The following MACROD2 variants were observed in gnomAD, a reference collection of about 807,000 sequenced individuals.
MACROD2 encodes the protein mono-ADP ribosylhydrolase 2, also known as ADP-ribose glycohydrolase MACROD2.
MACROD2 carries 36 observed loss-of-function variants against 70.4 expected under a neutral mutation model. The observed-to-expected ratio is 0.51, with a 90% confidence interval of 0.39 to 0.68. MACROD2 has a LOEUF of 0.68. Ranked by LOEUF, MACROD2 falls within the 30% of genes least tolerant of loss-of-function variation. The pLI, the probability that MACROD2 is intolerant of heterozygous loss-of-function variation, is 0.00. For synonymous variants in MACROD2, 172 were observed against 178.8 expected, an observed-to-expected ratio of 0.96 and a Z score of 0.30; for missense variants, 496 against 538.4, an observed-to-expected ratio of 0.92 and a Z score of 0.78.
intron 5 of MACROD2, among the ~76,000 whole-genome samples, chr20:15,138,468 A>G (rs6110529): frequency 0.59 from 89,749 of 151,994 alleles, 26,629 homozygotes; most frequent in East Asian, 0.61. Context: ...TTCAAAGAGT[A>G]GAAGCTATAG....
intron 6 of MACROD2, among the ~76,000 whole-genome samples, chr20:15,234,068 G>A (rs2076990898): frequency 1.2e-5 from 1 of 86,302 alleles, no homozygotes; most frequent in Non-Finnish European, 2.3e-5. Flanking sequence ...GTCTCGCTCT[G>A]TGGCCCAGGT....
intron 5 of MACROD2, among the ~76,000 whole-genome samples, chr20:15,057,453 G>A (rs1000133010): frequency 6.6e-6 from 1 of 152,180 alleles, no homozygotes; most frequent in Non-Finnish European, 1.5e-5. Context: ...TATGTGGCTT[G>A]TTCTGGGCAA....
At chr20:15,504,913 T>C (rs1375412714) in intron 8 of MACROD2, among the ~76,000 whole-genome samples, 1 of 152,184 alleles carries the variant, frequency 6.6e-6, no homozygotes, top group African/African-American at 2.4e-5. Flanking sequence ...ATTTCATGCA[T>C]TCCTTATTTT....
At chr20:15,102,885 T>C (rs2075883885) in intron 5 of MACROD2, among the ~76,000 whole-genome samples, 1 of 152,128 alleles carries the variant, frequency 6.6e-6, no homozygotes, top group South Asian at 2.1e-4. Flanking sequence ...CATGTATTCA[T>C]AGAAATGCAT....
intron 6 of MACROD2, among the ~76,000 whole-genome samples, chr20:15,278,154 G>A (rs2077410055): frequency 6.6e-6 from 1 of 152,172 alleles, no homozygotes; most frequent in Admixed American, 6.5e-5. Context: ...GCCTAACAAT[G>A]CATATATTAT....
intron 5 of MACROD2, among the ~76,000 whole-genome samples, chr20:14,735,108 TA>T (rs1438571963): frequency 6.6e-6 from 1 of 151,866 alleles, no homozygotes; most frequent in African/African-American, 2.4e-5. Context: ...CAACAAGTAA[TA>T]AAAGAAAAAT....
intron 3 of MACROD2, among the ~76,000 whole-genome samples, chr20:14,450,641 A>T (rs2084234868): frequency 6.6e-6 from 1 of 152,124 alleles, no homozygotes. Flanking sequence ...TAAGGAGTTT[A>T]TAACATTTTA....
chr20:14,553,126 A>AT (rs1978773197), intron 4 of MACROD2, among the ~76,000 whole-genome samples: 2 of 151,584 alleles, frequency 1.3e-5, no homozygotes, highest in East Asian at 3.9e-4. Context: ...GTTGTACAAA[A>AT]TTTTTTTCTT....
intron 15 of MACROD2, among the ~76,000 whole-genome samples, chr20:16,025,990 A>G (rs1224886690): frequency 6.6e-6 from 1 of 151,290 alleles, no homozygotes; most frequent in Non-Finnish European, 1.5e-5. Flanking sequence ...TACTAAAAAA[A>G]AAAAAAAGAA....
At chr20:14,394,943 C>CT (rs1302390292) in intron 3 of MACROD2, among the ~76,000 whole-genome samples, 1 of 152,040 alleles carries the variant, frequency 6.6e-6, no homozygotes, top group Non-Finnish European at 1.5e-5. Context: ...AGAATAAACT[C>CT]TATTGTGTCA....
At chr20:14,167,655 C>T (rs1471322701) in intron 3 of MACROD2, among the ~76,000 whole-genome samples, 1 of 152,010 alleles carries the variant, frequency 6.6e-6, no homozygotes, top group Non-Finnish European at 1.5e-5. Flanking sequence ...CTCCAAAGTG[C>T]TGGGATTACA....
At chr20:15,405,945 C>T (rs997846117) in intron 6 of MACROD2, among the ~76,000 whole-genome samples, 7 of 152,296 alleles carry the variant, frequency 4.6e-5, no homozygotes, top group African/African-American at 9.6e-5. Flanking sequence ...ATAACTTCAG[C>T]GCTTCTTAGT....
intron 6 of MACROD2, among the ~76,000 whole-genome samples, chr20:15,404,359 T>G (rs2045969251): frequency 1.3e-5 from 2 of 152,234 alleles, no homozygotes; most frequent in Non-Finnish European, 2.9e-5. Context: ...TTTTTAATGC[T>G]ACTGTGTATA....
chr20:15,318,809 T>C (rs920627974), intron 6 of MACROD2, among the ~76,000 whole-genome samples: 5 of 152,108 alleles, frequency 3.3e-5, no homozygotes, highest in African/African-American at 1.2e-4. Flanking sequence ...GGGAGAAACT[T>C]TCTCAACATG....
At chr20:14,470,777 C>G (rs1405900679) in intron 3 of MACROD2, among the ~76,000 whole-genome samples, 2 of 152,130 alleles carry the variant, frequency 1.3e-5, no homozygotes, top group Non-Finnish European at 2.9e-5. Context: ...CCTTCCCCCA[C>G]CAAGCTCGAG....
chr20:15,340,762 C>T (rs922557761), intron 6 of MACROD2, among the ~76,000 whole-genome samples: 6 of 149,412 alleles, frequency 4.0e-5, no homozygotes, highest in Admixed American at 2.7e-4. Flanking sequence ...CACTCCACCC[C>T]GCAAACACAC....
chr20:15,282,660 A>G (rs2077455936), intron 6 of MACROD2, among the ~76,000 whole-genome samples: 1 of 152,222 alleles, frequency 6.6e-6, no homozygotes, highest in East Asian at 1.9e-4. Context: ...TTCATTGTCC[A>G]TATCACTATC....
chr20:14,491,364 C>T (rs757546408), intron 3 of MACROD2, among the ~76,000 whole-genome samples: 21 of 152,038 alleles, frequency 1.4e-4, no homozygotes, highest in South Asian at 6.2e-4. Flanking sequence ...TTATAGTTAT[C>T]GGAACGTTTT....
chr20:15,687,829 C>G (rs557881249), intron 8 of MACROD2, among the ~76,000 whole-genome samples: 1 of 152,290 alleles, frequency 6.6e-6, no homozygotes, highest in African/African-American at 2.4e-5. Context: ...AAGGACTATA[C>G]TAAACTCCTG....
Sources: gnomAD v4.1 joint callset for allele counts (sites outside exome capture counted in the v4.1 genomes callset) on GRCh38, gnomAD v4.1.1 for gene constraint, MANE v1.5 for transcripts, NCBI Gene and HGNC (gene_info 2026-07-23, HGNC 2026-07-21) for gene names.